The following SUSD2 variants were observed in gnomAD, a reference collection of about 807,000 sequenced individuals.
SUSD2 encodes sushi domain containing 2.
A neutral mutation model predicts 93.8 loss-of-function variants in SUSD2; 86 were observed. The observed-to-expected ratio is 0.92, with a 90% CI of 0.77 to 1.10. The LOEUF (loss-of-function observed/expected upper bound fraction) is 1.10. SUSD2 is among the 50% of genes least tolerant of loss of function. SUSD2 has a pLI of 0.00. For synonymous variants in SUSD2, 483 were observed against 485.0 expected (o/e 1.00, Z 0.05); for missense variants, 1,060 against 1,137.0 (o/e 0.93, Z 0.97).
intron 10 of SUSD2, chr22:24,186,719 ACTCC>A: frequency 2.2e-6 from 1 of 449,640 alleles, no homozygotes; most frequent in Non-Finnish European, 4.0e-6. Context: ...TGCTCCTGTC[ACTCC>A]CTCAGTCCTC....
chr22:24,182,679 G>T, intron 1 of SUSD2: 1 of 215,130 alleles, frequency 4.6e-6, no homozygotes, highest in Non-Finnish European at 9.4e-6. Flanking sequence ...GCCAAGAGAG[G>T]TCGAGGGCTC....
Position 24,187,650 on chromosome 22 carries a change from C to T in SUSD2, c.1971C>T (p.His657=), listed in dbSNP as rs750355552. Residue 657 remains histidine (H), a synonymous_variant, in exon 12 of 15, where the codon CAC becomes CAT. Coordinates refer to ENST00000358321, the MANE Select transcript of SUSD2 (RefSeq NM_019601.4). ...ACAACTTCCTGTACCAACCCAAGCA[C>T]GACCCCACCTTCGAGCCCCTCTTCC... The part of the protein sequence containing the change: ...LVHNFLYQPK[H]DPTFEPLFPS... 1.0e-4 allele frequency: 169 copies of T among 1,614,018 alleles called. No individual in the cohort carries two copies. The highest frequency in any genetic ancestry group is 1.4e-4 in the Non-Finnish European group (163 of 1,180,032).
chr22:24,183,412 TC>T (rs2047338110), intron 2 of SUSD2, 82 bp from the exon 3 acceptor site: 3 of 1,556,576 alleles, frequency 1.9e-6, no homozygotes, highest in Non-Finnish European at 2.6e-6. Flanking sequence ...CTGGTTGGGT[TC>T]CCCAGGGAGG....
chr22:24,184,704 G>A (rs897581617), intron 4 of SUSD2, 62 bp from the exon 5 acceptor site: 46 of 1,379,128 alleles, frequency 3.3e-5, no homozygotes, highest in Non-Finnish European at 4.1e-5. Flanking sequence ...TGCTGTAGGT[G>A]GCAAGGCCTG....
At position 24,184,169 on chromosome 22, in the gene SUSD2, G is replaced by C. The variant is rs56409365; in HGVS notation, c.473G>C (p.Ser158Thr). 1 of 1,612,658 alleles carries C rather than the reference G, an allele frequency of 6.2e-7. No homozygotes were observed. The highest frequency in any genetic ancestry group is 1.3e-5 in the African/African-American group (1 of 74,906). ...AACAAAGTGTCAATGATGGAGAAGA[G>C]CGAGTTGGTGAACGAGACGCGTTGG... ...HPNKVSMMEKSELVNETRWQY... is the reference protein window; with the variant it reads ...HPNKVSMMEKTELVNETRWQY... Residue 158 changes from serine to threonine, a missense_variant, in exon 4 of 15, where the codon AGC (serine) becomes ACC (threonine). This residue lies in a region of SUSD2 where 973 missense variants were observed against 1,005.3 expected (regional missense o/e 0.97). Transcript: ENST00000358321.
Position 24,187,453 on chromosome 22 carries a change from G to A in SUSD2, c.1891+3G>A. On this transcript the variant is annotated splice_donor_region_variant and intron_variant, in intron 11 of 14. Coordinates refer to ENST00000358321, the MANE Select transcript of SUSD2 (RefSeq NM_019601.4). Reference sequence around the variant, plus strand: ...GCTGTTCCTGTTTGGGGCCAACTGTGAGTGACCGTGGAGTATATGGGGCAG... The same window carrying A: ...GCTGTTCCTGTTTGGGGCCAACTGTAAGTGACCGTGGAGTATATGGGGCAG... 6.2e-7 allele frequency: 1 copy of A among 1,612,702 alleles called. No individual in the cohort carries two copies.
chr22:24,183,172 GAT>G lies in SUSD2; in HGVS notation c.195_196del (p.Leu66AlafsTer32). On this transcript the variant is annotated frameshift_variant, in exon 2 of 15. Coordinates refer to ENST00000358321, the MANE Select transcript of SUSD2 (RefSeq NM_019601.4). LOFTEE classifies it high-confidence loss of function. ...TGGATTTCCGGGACTTCTGCCTGGA[GAT>G]ATTGCCCTACTCAGGATCCATGATG... ...CLDFRDFCLE[I>X]LPYSGSMMGG... The G allele has an allele frequency of 1.2e-6, 2 of 1,614,044 alleles. No homozygotes were observed. Among genetic ancestry groups the G allele is most frequent in the South Asian group, 2.2e-5 (2 of 91,084 alleles).
chr22:24,183,492 C>T lies in SUSD2; in HGVS notation c.288-3C>T. 6.2e-7 allele frequency: 1 copy of T among 1,608,796 alleles called. No homozygotes were observed. ...GCCCCTCCCACCACCACCACGCCCACAGGTTTAAGGACAGCATCCAGACCC... is the reference window on the plus strand; with the variant it reads ...GCCCCTCCCACCACCACCACGCCCATAGGTTTAAGGACAGCATCCAGACCC... On this transcript the variant is annotated splice_polypyrimidine_tract_variant and splice_region_variant and intron_variant, in intron 2 of 14. Transcript: ENST00000358321.
intron 1 of SUSD2, 60 bp from the exon 2 acceptor site, chr22:24,182,997 G>A (rs142559566): frequency 0.025 from 36,793 of 1,458,700 alleles, 319 homozygotes; most frequent in Middle Eastern, 0.036. Flanking sequence ...GACAGGCCCT[G>A]CACATGGGGC....
At chr22:24,184,352 AGG>A in intron 4 of SUSD2, 49 bp downstream of exon 4, 1 of 1,577,288 alleles carries the variant, frequency 6.3e-7, no homozygotes, top group Non-Finnish European at 8.7e-7. Context: ...GGGCCCCCAG[AGG>A]GGGAGAAAGG....
rs1370020655 is a variant in SUSD2, at chr22:24,188,017, C to G, written c.2223C>G (p.Tyr741Ter). 6.2e-7 allele frequency: 1 copy of G among 1,613,084 alleles called. No individual in the cohort carries two copies. The highest frequency in any genetic ancestry group is 1.1e-5 in the South Asian group (1 of 91,090). ...PPNGQKEGNR[Y>*]LAGSTIYFHC... ...ACGGACAAAAGGAGGGCAACAGGTA[C>G]CTGGCGGGTTCCACCATCTACTTCC... Residue 741 changes from tyrosine (Y) to a stop codon, truncating the protein, a stop_gained, in exon 13 of 15, where the codon TAC (tyrosine) becomes TAG (stop). Coordinates refer to ENST00000358321, the MANE Select transcript of SUSD2 (RefSeq NM_019601.4). LOFTEE classifies it high-confidence loss of function. The surrounding 1 kb of genome is among the most constrained non-coding windows in gnomAD (Gnocchi z 4.7).
At chr22:24,186,934 AG>A in intron 10 of SUSD2, 1 of 548,278 alleles carries the variant, frequency 1.8e-6, no homozygotes, top group Non-Finnish European at 3.3e-6. Context: ...TGGCTGCTGC[AG>A]CCAAGGCCAG....
rs2047354527 is a variant in SUSD2 at position 24,185,304 on chromosome 22, C to T, written c.984+9C>T. On this transcript the variant is annotated intron_variant, in intron 6 of 14. Transcript: ENST00000358321. ...ACTCCGGCCGCTTCTTCGTGAGCCT[C>T]CCATCAGGGCCCAGGAGAGGGGATG... 1 of 1,601,456 alleles carries T rather than the reference C, an allele frequency of 6.2e-7. No homozygotes were observed. The highest frequency in any genetic ancestry group is 8.5e-7 in the Non-Finnish European group (1 of 1,178,878).
intron 2 of SUSD2, 89 bp from the exon 3 acceptor site, chr22:24,183,406 T>A: frequency 6.4e-7 from 1 of 1,551,678 alleles, no homozygotes; most frequent in Admixed American, 1.7e-5. Flanking sequence ...AGCTGGCTGG[T>A]TGGGTTCCCC....
intron 10 of SUSD2, 99 bp from the exon 11 acceptor site, chr22:24,187,103 C>G: frequency 1.3e-6 from 2 of 1,497,014 alleles, no homozygotes; most frequent in Non-Finnish European, 1.8e-6. Context: ...CAGGTGCCCT[C>G]ACCCACAGCC....
In SUSD2 at chr22:24,187,584, T is replaced by G; in HGVS notation, c.1905T>G (p.Asn635Lys). 6.2e-7 allele frequency: 1 copy of G among 1,612,690 alleles called. No homozygotes were observed. The highest frequency in any genetic ancestry group is 8.5e-7 in the Non-Finnish European group (1 of 1,179,100). The change falls in exon 12 of 15, where the codon AAT becomes AAG. Residue 635 changes from asparagine to lysine, a missense_variant. Physicochemically the swap from Asn to Lys is moderately conservative, Grantham distance 94. This residue lies in a region of SUSD2 where 973 missense variants were observed against 1,005.3 expected (regional missense o/e 0.97). Transcript: ENST00000358321. Reference protein sequence around the residue: ...FLFGANWTVHNASSLLTYDSW... With the variant: ...FLFGANWTVHKASSLLTYDSW... ...TGTATCTTCCAGGGACCGTGCACAA[T>G]GCGTCCTCCCTGCTCACCTACGATT...
At position 24,184,941 on chromosome 22, in the gene SUSD2, G is replaced by A; in HGVS notation, c.782+1G>A. 1 of 1,613,664 alleles carries A rather than the reference G, an allele frequency of 6.2e-7. No homozygotes were observed. The highest frequency in any genetic ancestry group is 8.5e-7 in the Non-Finnish European group (1 of 1,179,848). On this transcript the variant is annotated splice_donor_variant, in intron 5 of 14. Coordinates refer to ENST00000358321, the MANE Select transcript of SUSD2 (RefSeq NM_019601.4). LOFTEE classifies it high-confidence loss of function. ...ACAGCAAAAATTACGCAGGGCAGAA[G>A]TAAGAAGGCATGGATGTGCAGGTGA... is the stretch of plus-strand genomic sequence containing the variant.
At chr22:24,185,456 A>G (rs1415395644) in intron 6 of SUSD2, 30 bp from the exon 7 acceptor site, 1 of 1,551,718 alleles carries the variant, frequency 6.4e-7, no homozygotes, top group Admixed American at 2.0e-5. Flanking sequence ...ACCCGAGGCC[A>G]CTGGGTGACA....
Position 24,187,758 on chromosome 22 carries a change from G to A in SUSD2, c.2079G>A (p.Val693=). Residue 693 remains valine (V), a synonymous_variant, in exon 12 of 15, where the codon GTG becomes GTA. Coordinates refer to ENST00000358321, the MANE Select transcript of SUSD2 (RefSeq NM_019601.4). The part of the protein sequence containing the change: ...CGDDHFCNFD[V]AATGSLSTGT... ...ACGATCATTTCTGCAACTTTGATGT[G>A]GCAGCCACTGGGAGCCTGAGCACGG... 1 of 1,613,866 alleles carries A rather than the reference G, an allele frequency of 6.2e-7. No individual in the cohort carries two copies. Among genetic ancestry groups the A allele is most frequent in the Non-Finnish European group, 8.5e-7 (1 of 1,180,002 alleles).
Sources: gnomAD v4.1 joint callset for allele counts on GRCh38, gnomAD v4.1.1 for gene constraint, gnomAD v4.1.1 regional missense constraint, Gnocchi (gnomAD v3.1) non-coding constraint, MANE v1.5 for transcripts, NCBI Gene and HGNC (gene_info 2026-07-23, HGNC 2026-07-21) for gene names.